Variants in ESRRG observed in about 807,000 individuals in gnomAD.
ESRRG encodes the protein estrogen related receptor gamma, also known as estrogen-related receptor gamma.
A neutral mutation model predicts 44.0 loss-of-function variants in ESRRG; 13 were observed. The ratio of observed to expected loss-of-function variants is 0.30; its 90% CI spans 0.19 to 0.47. ESRRG has a LOEUF of 0.47. ESRRG is among the 20% of genes least tolerant of loss of function. The pLI is 1.00. For synonymous variants in ESRRG, 215 were observed against 214.6 expected, an observed-to-expected ratio of 1.00 and a Z score of -0.02; for missense variants, 395 against 580.6, an observed-to-expected ratio of 0.68 and a Z score of 3.29.
At chr1:216,957,921 C>T (rs188650897) in intron 1 of ESRRG, among the ~76,000 whole-genome samples, 1 of 152,226 alleles carries the variant, frequency 6.6e-6, no homozygotes, top group East Asian at 1.9e-4. Context: ...CAAAAGTTTC[C>T]CTTATGATCC....
At chr1:216,644,030 A>T (rs890704732) in intron 3 of ESRRG, among the ~76,000 whole-genome samples, 2 of 152,120 alleles carry the variant, frequency 1.3e-5, no homozygotes, top group African/African-American at 4.8e-5. Flanking sequence ...TAGGCATATG[A>T]CATACTTGGC....
intron 1 of ESRRG, among the ~76,000 whole-genome samples, chr1:216,702,631 G>C (rs911788508): frequency 1.4e-5 from 2 of 139,056 alleles, no homozygotes; most frequent in Admixed American, 1.4e-4. Context: ...AAGAAAATTA[G>C]CCAGGCATGG....
intron 2 of ESRRG, among the ~76,000 whole-genome samples, chr1:216,779,286 T>G (rs1165690488): frequency 1.1e-4 from 2 of 18,436 alleles, no homozygotes; most frequent in Admixed American, 1.1e-3. Flanking sequence ...TTTATAAACA[T>G]TATATTTATA....
chr1:216,754,667 A>G (rs1300519717), intron 2 of ESRRG, among the ~76,000 whole-genome samples: 2 of 150,342 alleles, frequency 1.3e-5, no homozygotes, highest in East Asian at 3.9e-4. Context: ...ATTCCTTAGT[A>G]TCTAAGTCAG....
intron 3 of ESRRG, among the ~76,000 whole-genome samples, chr1:216,578,266 T>G (rs1345204746): frequency 1.3e-5 from 2 of 152,084 alleles, no homozygotes; most frequent in Non-Finnish European, 2.9e-5. Flanking sequence ...ACACTTCTTA[T>G]TTCTTGTAAC....
At chr1:216,523,490 G>GTTTTTTTTTTTT (rs749747909) in intron 5 of ESRRG, among the ~76,000 whole-genome samples, 1 of 126,328 alleles carries the variant, frequency 7.9e-6, no homozygotes, top group Non-Finnish European at 1.7e-5. Context: ...ATCAAGCACT[G>GTTTTTTTTTTTT]TTTTTTTTTT....
At chr1:217,026,912 CAGAGAGAGAG>C (rs71163786) in intron 1 of ESRRG, among the ~76,000 whole-genome samples, 26 of 93,456 alleles carry the variant, frequency 2.8e-4, no homozygotes, top group Admixed American at 6.0e-4. Flanking sequence ...CACACACACA[CAGAGAGAGAG>C]AGAGAGAGAG....
intron 2 of ESRRG, among the ~76,000 whole-genome samples, chr1:216,937,648 G>A (rs975566343): frequency 6.6e-6 from 1 of 152,110 alleles, no homozygotes; most frequent in Non-Finnish European, 1.5e-5. Flanking sequence ...GGGAGGAAGG[G>A]GGGAAGAAAA....
intron 1 of ESRRG, among the ~76,000 whole-genome samples, chr1:217,060,886 AT>A (rs1346549338): frequency 2.0e-5 from 3 of 152,092 alleles, no homozygotes; most frequent in African/African-American, 7.2e-5. Context: ...CTCAAAACAA[AT>A]GTACAGGAAT....
At position 216,998,287 on chromosome 1, in the gene ESRRG, T is replaced by C. The variant is rs11572445; in HGVS notation, c.-105-58614A>G. ...GATATTAACATTGTCTATGATTCTC[T>C]ACTTCTTAAAGCTCCAGGAAAAAAT... On this transcript the variant is annotated intron_variant, in intron 1 of 7. Coordinates refer to the ESRRG transcript ENST00000359162. 3.5e-3 allele frequency among the ~76,000 whole-genome samples: 527 copies of C among 152,340 alleles called. 3 individuals are homozygous for C. Among genetic ancestry groups the C allele is most frequent in the Admixed American group, 0.025 (382 of 15,300 alleles).
At chr1:216,674,700 C>T (rs1449526503) in intron 2 of ESRRG, among the ~76,000 whole-genome samples, 1 of 147,878 alleles carries the variant, frequency 6.8e-6, no homozygotes, top group Non-Finnish European at 1.5e-5. Context: ...ACCTCCAATT[C>T]CTGGGCTCAA....
chr1:216,959,838 T>C (rs2068684781), intron 1 of ESRRG, among the ~76,000 whole-genome samples: 1 of 152,144 alleles, frequency 6.6e-6, no homozygotes, highest in Non-Finnish European at 1.5e-5. Context: ...TACATATACA[T>C]GTATAGAGAA....
At chr1:216,968,670 C>T in intron 1 of ESRRG, among the ~76,000 whole-genome samples, 1 of 147,082 alleles carries the variant, frequency 6.8e-6, no homozygotes, top group African/African-American at 2.5e-5. Flanking sequence ...TCATATTATT[C>T]TCTTTCATTC....
chr1:216,863,683 T>G (rs1264248191), intron 2 of ESRRG: 1 of 152,222 alleles, frequency 6.6e-6, no homozygotes, highest in East Asian at 1.9e-4. Flanking sequence ...AAAAATAGTT[T>G]TTCTTTCTCA....
intron 1 of ESRRG, among the ~76,000 whole-genome samples, chr1:217,001,374 T>C (rs1560427982): frequency 6.6e-6 from 1 of 152,216 alleles, no homozygotes; most frequent in Non-Finnish European, 1.5e-5. Flanking sequence ...ACGTGGATGA[T>C]ACCAAACTGC....
chr1:216,934,793 A>G (rs998775704), intron 2 of ESRRG, among the ~76,000 whole-genome samples: 19 of 152,198 alleles, frequency 1.2e-4, no homozygotes, highest in African/African-American at 4.1e-4. Flanking sequence ...ATTGTTTTTT[A>G]AAAAGTGGTT....
rs199627544 is a variant in ESRRG, at chr1:216,816,591, G to A, written c.-14+122991C>T. Among the ~76,000 whole-genome samples, 1,119 of 152,262 alleles carry A rather than the reference G, an allele frequency of 7.3e-3. 9 individuals carry two copies. The highest frequency in any genetic ancestry group is 0.012 in the Non-Finnish European group (793 of 68,008). ...CGAGTACTTTAACATATCTGGAATA[G>A]AGTTGCAAATGGTGCATGCCTAAGT... On this transcript the variant is annotated intron_variant, in intron 2 of 7. Coordinates refer to the ESRRG transcript ENST00000359162.
chr1:216,881,014 G>A (rs1004227385), intron 2 of ESRRG, among the ~76,000 whole-genome samples: 2 of 152,064 alleles, frequency 1.3e-5, no homozygotes, highest in South Asian at 2.1e-4. Context: ...AGTCAGCCAC[G>A]GGGAAAATCC....
chr1:216,540,463 G>A (rs892981195), intron 5 of ESRRG, among the ~76,000 whole-genome samples: 7 of 151,926 alleles, frequency 4.6e-5, no homozygotes, highest in African/African-American at 2.4e-5. Context: ...CACAAAATAT[G>A]TGCTAAAATA....
Sources: gnomAD v4.1 joint callset for allele counts (sites outside exome capture counted in the v4.1 genomes callset) on GRCh38, gnomAD v4.1.1 for gene constraint, MANE v1.5 for transcripts, NCBI Gene and HGNC (gene_info 2026-07-23, HGNC 2026-07-21) for gene names.